Variants in KSR2 observed in about 807,000 individuals in gnomAD.
KSR2 encodes kinase suppressor of ras 2.
Under a neutral mutation model 107.8 loss-of-function variants are expected in KSR2, and 25 were observed. The observed-to-expected ratio is 0.23, with a 90% CI of 0.17 to 0.32. The LOEUF is 0.32. Ranked by LOEUF, KSR2 falls within the 10% of genes least tolerant of loss-of-function variation. The probability of loss-of-function intolerance (pLI) is 1.00; values close to 1 mark genes in which losing one functional copy is unlikely to be tolerated. For synonymous variants in KSR2, 480 were observed against 507.0 expected, an observed-to-expected ratio of 0.95 and a Z score of 0.71; for missense variants, 887 against 1,268.9, an observed-to-expected ratio of 0.70 and a Z score of 4.57.
Position 117,931,815 on chromosome 12 carries a change from A to G in KSR2, c.180+36261T>C, listed in dbSNP as rs185548189. 3.9e-5 allele frequency among the ~76,000 whole-genome samples: 6 copies of G among 152,358 alleles called. No homozygotes were observed. The East Asian group carries it at 5.8e-4, about 15-fold the overall frequency. On this transcript the variant is annotated intron_variant, in intron 1 of 19. Coordinates refer to ENST00000339824, the MANE Select transcript of KSR2 (RefSeq NM_173598.6). ...ATATTTACTATAACTGCAATGGTTA[A>G]CATTGAGTGCCTGTCACATACAGGA... is the stretch of plus-strand genomic sequence containing the variant.
At chr12:117,687,136 G>C (rs1198241397) in intron 4 of KSR2, among the ~76,000 whole-genome samples, 1 of 152,186 alleles carries the variant, frequency 6.6e-6, no homozygotes, top group Admixed American at 6.5e-5. Context: ...CTTCCAGCAC[G>C]ACCTTGGGCA....
intron 3 of KSR2, among the ~76,000 whole-genome samples, chr12:117,853,137 C>T (rs1046189277): frequency 6.6e-6 from 1 of 152,046 alleles, no homozygotes; most frequent in Non-Finnish European, 1.5e-5. Flanking sequence ...AGACCCCTCT[C>T]CTATGAATTC....
intron 3 of KSR2, among the ~76,000 whole-genome samples, chr12:117,773,974 A>G (rs1187907952): frequency 1.3e-5 from 2 of 152,206 alleles, no homozygotes; most frequent in Non-Finnish European, 2.9e-5. Context: ...TCCACTTCAC[A>G]GTGCTAGGAA....
intron 3 of KSR2, among the ~76,000 whole-genome samples, chr12:117,829,128 A>G (rs1314159075): frequency 6.6e-6 from 1 of 152,002 alleles, no homozygotes; most frequent in Non-Finnish European, 1.5e-5. Context: ...CTGTCCTTAG[A>G]ATCCTTCCCA....
chr12:117,623,084 C>T (rs1449656486), intron 5 of KSR2, among the ~76,000 whole-genome samples: 1 of 152,176 alleles, frequency 6.6e-6, no homozygotes, highest in African/African-American at 2.4e-5. Context: ...CCTCTTTGAG[C>T]CTCATTTTCC....
chr12:117,778,746 A>C (rs1373268898), intron 3 of KSR2, among the ~76,000 whole-genome samples: 1 of 152,186 alleles, frequency 6.6e-6, no homozygotes, highest in African/African-American at 2.4e-5. Flanking sequence ...GCTCCCACGC[A>C]TGCTTGCACA....
chr12:117,686,215 A>ATTTTTTTTTTTTTTTTTTTT (rs55772468), intron 4 of KSR2, among the ~76,000 whole-genome samples: 4 of 78,042 alleles, frequency 5.1e-5, no homozygotes, highest in African/African-American at 2.0e-4. Context: ...CACCCAGCTA[A>ATTTTTTTTTTTTTTTTTTTT]TTTTTTTTTT....
intron 2 of KSR2, among the ~76,000 whole-genome samples, chr12:117,859,010 A>C (rs1308544429): frequency 1.3e-5 from 2 of 152,138 alleles, no homozygotes; most frequent in East Asian, 3.9e-4. Context: ...GGGGTAAGAA[A>C]ATCTCACAAT....
At chr12:117,572,772 T>A (rs575312458) in intron 7 of KSR2, among the ~76,000 whole-genome samples, 8 of 151,168 alleles carry the variant, frequency 5.3e-5, no homozygotes, top group Admixed American at 4.0e-4. Flanking sequence ...CTAGAGCAGG[T>A]GTCACCCAAA....
At chr12:117,521,898 A>T (rs1175048930) in intron 14 of KSR2, among the ~76,000 whole-genome samples, 2 of 152,224 alleles carry the variant, frequency 1.3e-5, no homozygotes, top group Non-Finnish European at 2.9e-5. Flanking sequence ...AGAGCCAACA[A>T]GTGGACAGTG....
chr12:117,671,747 G>A (rs1002231), intron 4 of KSR2, among the ~76,000 whole-genome samples: 27,567 of 152,020 alleles, frequency 0.18, 3,157 homozygotes, highest in South Asian at 0.26. Flanking sequence ...GCTTAAGAGC[G>A]CTTGGTTCAA....
chr12:117,703,629 AAAAACC>A (rs1298201167), intron 4 of KSR2, among the ~76,000 whole-genome samples: 1 of 152,182 alleles, frequency 6.6e-6, no homozygotes, highest in Non-Finnish European at 1.5e-5. Flanking sequence ...CCTCCCACTG[AAAAACC>A]ACTTGTGTGT....
intron 14 of KSR2, among the ~76,000 whole-genome samples, chr12:117,492,324 G>A (rs943150706): frequency 5.9e-5 from 9 of 152,250 alleles, no homozygotes; most frequent in African/African-American, 1.9e-4. Flanking sequence ...TGTCCAGACT[G>A]GCTCATTCTG....
intron 3 of KSR2, among the ~76,000 whole-genome samples, chr12:117,848,752 G>GCGA: frequency 1.3e-5 from 2 of 152,014 alleles, no homozygotes; most frequent in Non-Finnish European, 2.9e-5. Context: ...CCTGGTGATG[G>GCGA]TGATGGCGAT....
intron 5 of KSR2, among the ~76,000 whole-genome samples, chr12:117,612,349 A>G (rs911486849): frequency 6.6e-6 from 1 of 151,694 alleles, no homozygotes; most frequent in South Asian, 2.1e-4. Flanking sequence ...GATTTCAGTG[A>G]GCCGAGATCG....
rs546963598 is a variant in KSR2 at position 117,932,349 on chromosome 12, G to A, written c.180+35727C>T. 2.0e-5 allele frequency among the ~76,000 whole-genome samples: 3 copies of A among 152,226 alleles called. No homozygotes were observed. In the South Asian group the frequency reaches 6.2e-4, roughly 32 times the overall value. The stretch of plus-strand genomic sequence containing the variant: ...TGATACTTAATCATGGTGTTATACA[G>A]TTGACATATGTTCACAAGAAGCACA... On this transcript the variant is annotated intron_variant, in intron 1 of 19. Transcript: ENST00000339824.
At chr12:117,722,987 A>T (rs947280094) in intron 4 of KSR2, among the ~76,000 whole-genome samples, 1 of 152,190 alleles carries the variant, frequency 6.6e-6, no homozygotes, top group Non-Finnish European at 1.5e-5. Context: ...GGGCCAGTGG[A>T]TGGCAGGAGT....
At chr12:117,528,377 G>C (rs767358157) in intron 12 of KSR2, among the ~76,000 whole-genome samples, 5 of 152,134 alleles carry the variant, frequency 3.3e-5, no homozygotes, top group Non-Finnish European at 7.4e-5. Context: ...GAAGAGCTGA[G>C]ACAGGTGAGA....
chr12:117,755,601 C>A (rs777017749), intron 4 of KSR2, among the ~76,000 whole-genome samples: 8 of 152,158 alleles, frequency 5.3e-5, no homozygotes, highest in Non-Finnish European at 1.2e-4. Context: ...TCCTGGGCCT[C>A]CCTATTTTCT....
Sources: gnomAD v4.1 joint callset for allele counts (sites outside exome capture counted in the v4.1 genomes callset) on GRCh38, gnomAD v4.1.1 for gene constraint, MANE v1.5 for transcripts, NCBI Gene and HGNC (gene_info 2026-07-23, HGNC 2026-07-21) for gene names.